CSMD1: variants seen among roughly 807,000 people sequenced by gnomAD.
The protein encoded by CSMD1 is CUB and Sushi multiple domains 1, also known as CUB and sushi domain-containing protein 1.
Under a neutral mutation model 417.5 loss-of-function variants are expected in CSMD1, and 213 were observed. The observed-to-expected ratio is 0.51, with a 90% confidence interval of 0.46 to 0.57. The LOEUF (loss-of-function observed/expected upper bound fraction) is 0.57, where lower values mean the gene tolerates loss of function less well. Among genes scored for constraint, CSMD1 ranks in the 20% least tolerant of loss-of-function variants. CSMD1 has a pLI of 0.00. For synonymous variants in CSMD1, 2,862 were observed against 1,736.8 expected (o/e 1.65, Z -16.11); for missense variants, 6,923 against 4,529.7 (o/e 1.53, Z -15.17).
chr8:4,021,443 A>T (rs999581016), intron 4 of CSMD1, among the ~76,000 whole-genome samples: 1 of 152,148 alleles, frequency 6.6e-6, no homozygotes, highest in Non-Finnish European at 1.5e-5. Flanking sequence ...TGCTCTAATT[A>T]CTAAGGACCT....
rs550465545 is a variant in CSMD1, at chr8:4,612,049, C to T, written c.302+25293G>A. On this transcript the variant is annotated intron_variant, in intron 2 of 69. Coordinates refer to ENST00000635120, the MANE Select transcript of CSMD1 (RefSeq NM_033225.6). ...GGAATGAAAAGAAAGCCATGGTTCC[C>T]GGCGTGTCCCTAGGAGGTGAGGATA... Among the ~76,000 whole-genome samples the T allele has an allele frequency of 5.3e-5, 8 of 152,166 alleles. No homozygotes were observed. In the East Asian group the frequency reaches 5.8e-4, roughly 11 times the overall value.
At chr8:4,101,336 C>G (rs184238039) in intron 3 of CSMD1, among the ~76,000 whole-genome samples, 667 of 152,260 alleles carry the variant, frequency 4.4e-3, no homozygotes, top group Non-Finnish European at 7.0e-3. Flanking sequence ...AAAGACAGTG[C>G]AAATGGGCAG....
Position 3,149,003 on chromosome 8 carries a change from T to C in CSMD1, c.6031+2394A>G, listed in dbSNP as rs571494950. On this transcript the variant is annotated intron_variant, in intron 40 of 69. Coordinates refer to ENST00000635120, the MANE Select transcript of CSMD1 (RefSeq NM_033225.6). The stretch of plus-strand genomic sequence containing the variant: ...GTTTCTTTTCTCCTCTTCTAGATCC[T>C]CTTTAAACCCTCAGGCTATGCAATA... 3.3e-5 allele frequency among the ~76,000 whole-genome samples: 5 copies of C among 152,356 alleles called. No individual in the cohort carries two copies. The East Asian group carries it at 7.7e-4, about 23-fold the overall frequency.
intron 12 of CSMD1, among the ~76,000 whole-genome samples, chr8:3,448,668 G>A (rs1210675243): frequency 6.6e-6 from 1 of 152,096 alleles, no homozygotes; most frequent in Non-Finnish European, 1.5e-5. Context: ...GAGGCCAAGT[G>A]GGCATGACCC....
At chr8:4,227,912 C>T (rs1323066165) in intron 3 of CSMD1, among the ~76,000 whole-genome samples, 4 of 148,788 alleles carry the variant, frequency 2.7e-5, no homozygotes, top group African/African-American at 1.0e-4. Flanking sequence ...CCCTCCACCC[C>T]ACATTAAATC....
intron 8 of CSMD1, 22 bp downstream of exon 8, chr8:3,616,688 C>T: frequency 6.9e-7 from 1 of 1,453,422 alleles, no homozygotes; most frequent in Non-Finnish European, 9.6e-7. Context: ...ATGCTTTTTT[C>T]CACCACTATT....
At chr8:3,739,160 G>C (rs1474334153) in intron 6 of CSMD1, among the ~76,000 whole-genome samples, 1 of 152,132 alleles carries the variant, frequency 6.6e-6, no homozygotes, top group South Asian at 2.1e-4. Flanking sequence ...AATGTTTGCA[G>C]TTAAAGTATC....
At position 3,201,386 on chromosome 8, in the gene CSMD1, A is replaced by G. The variant is rs566819871; in HGVS notation, c.5098+226T>C. On this transcript the variant is annotated intron_variant, in intron 32 of 69. Coordinates refer to ENST00000635120, the MANE Select transcript of CSMD1 (RefSeq NM_033225.6). ...CACCTTTTACTGAGATAAATATTAT[A>G]TTTTCTGCAATCTTAGTAAGATGAT... 2.6e-5 allele frequency among the ~76,000 whole-genome samples: 4 copies of G among 152,218 alleles called. No homozygotes were observed. The East Asian group carries it at 7.7e-4, about 29-fold the overall frequency.
chr8:3,224,038 G>C (rs982898856), intron 27 of CSMD1, among the ~76,000 whole-genome samples, 171 bp from the exon 28 acceptor site: 1 of 152,154 alleles, frequency 6.6e-6, no homozygotes, highest in African/African-American at 2.4e-5. Context: ...GTAAGACCCA[G>C]GAACTCTGTA....
chr8:4,118,605 G>A (rs1802298106), intron 3 of CSMD1, among the ~76,000 whole-genome samples: 1 of 152,168 alleles, frequency 6.6e-6, no homozygotes, highest in African/African-American at 2.4e-5. Flanking sequence ...ATGCTGGCAA[G>A]GCTGTGGAGA....
chr8:4,744,574 C>A (rs1343840998), intron 1 of CSMD1, among the ~76,000 whole-genome samples: 1 of 152,128 alleles, frequency 6.6e-6, no homozygotes, highest in East Asian at 1.9e-4. Context: ...ACAATTCACA[C>A]AAAATAATAT....
At chr8:3,675,726 C>A (rs1282747079) in intron 7 of CSMD1, among the ~76,000 whole-genome samples, 1 of 152,054 alleles carries the variant, frequency 6.6e-6, no homozygotes, top group Non-Finnish European at 1.5e-5. Flanking sequence ...TCTATAAGCA[C>A]CTTGATCTTG....
At chr8:4,421,184 T>C (rs1470089955) in intron 2 of CSMD1, among the ~76,000 whole-genome samples, 1 of 152,192 alleles carries the variant, frequency 6.6e-6, no homozygotes, top group Non-Finnish European at 1.5e-5. Context: ...TTGTACTTTA[T>C]GTGTTAGCGA....
chr8:3,305,877 TCACCATGTTAGC>T (rs1472661696), intron 25 of CSMD1, among the ~76,000 whole-genome samples: 1 of 152,080 alleles, frequency 6.6e-6, no homozygotes, highest in Non-Finnish European at 1.5e-5. Flanking sequence ...AGAAGGGGTT[TCACCATGTTAGC>T]CAGGATGATC....
At chr8:4,159,478 T>A (rs532952753) in intron 3 of CSMD1, among the ~76,000 whole-genome samples, 2 of 152,288 alleles carry the variant, frequency 1.3e-5, no homozygotes, top group Non-Finnish European at 2.9e-5. Flanking sequence ...AATGTATCCA[T>A]CAATCAACGA....
Position 2,969,985 on chromosome 8 carries a change from T to C in CSMD1, c.8923+3132A>G, listed in dbSNP as rs574487282. On this transcript the variant is annotated intron_variant, in intron 57 of 69. Transcript: ENST00000635120. ...ATATATTTGAGAAATATTTTCAGCA[T>C]TGCAACATTTTTGTAACTTATTTTG... Among the ~76,000 whole-genome samples, 144 of 152,350 alleles carry C rather than the reference T, an allele frequency of 9.5e-4. 1 individual carries two copies. Among genetic ancestry groups the C allele is most frequent in the African/African-American group, 3.2e-3 (135 of 41,584 alleles).
At chr8:4,051,057 G>A (rs914440034) in intron 3 of CSMD1, among the ~76,000 whole-genome samples, 2 of 151,998 alleles carry the variant, frequency 1.3e-5, no homozygotes, top group African/African-American at 2.4e-5. Context: ...ATCCTCTCTG[G>A]CTTTGTTTTG....
At chr8:3,878,952 T>G (rs894657945) in intron 5 of CSMD1, among the ~76,000 whole-genome samples, 4 of 152,168 alleles carry the variant, frequency 2.6e-5, no homozygotes, top group African/African-American at 9.7e-5. Context: ...AATATATGAC[T>G]AAGTTTTTAA....
chr8:3,556,937 C>G (rs1014079306), intron 10 of CSMD1, among the ~76,000 whole-genome samples: 1 of 152,112 alleles, frequency 6.6e-6, no homozygotes, highest in Non-Finnish European at 1.5e-5. Flanking sequence ...CAAACACACA[C>G]ATAAAGCCTC....
Sources: allele counts gnomAD v4.1 joint callset (sites outside exome capture counted in the v4.1 genomes callset), GRCh38; gene constraint gnomAD v4.1.1; transcripts MANE v1.5; gene names NCBI Gene and HGNC (gene_info 2026-07-23, HGNC 2026-07-21).